PRDM16: variants seen among roughly 807,000 people sequenced by gnomAD.
PRDM16 encodes the protein histone-lysine N-methyltransferase PRDM16.
Under a neutral mutation model 110.6 loss-of-function variants are expected in PRDM16, and 23 were observed. The ratio of observed to expected loss-of-function variants is 0.21; its 90% CI spans 0.15 to 0.29. The LOEUF (loss-of-function observed/expected upper bound fraction) is 0.29. PRDM16 is among the 10% of genes least tolerant of loss of function. PRDM16 has a pLI of 1.00. For synonymous variants in PRDM16, 799 were observed against 781.8 expected (o/e 1.02, Z -0.37); for missense variants, 1,615 against 1,794.3 (o/e 0.90, Z 1.81).
intron 12 of PRDM16, among the ~76,000 whole-genome samples, chr1:3,420,222 AG>A (rs1315616098): frequency 6.6e-6 from 1 of 152,226 alleles, no homozygotes; most frequent in Non-Finnish European, 1.5e-5. Flanking sequence ...GGCTCAAGGC[AG>A]GTCTGTGCCG....
intron 1 of PRDM16, among the ~76,000 whole-genome samples, chr1:3,097,655 C>T (rs1177864010): frequency 6.6e-6 from 1 of 152,248 alleles, no homozygotes; most frequent in Non-Finnish European, 1.5e-5. Context: ...CACAGCCCCT[C>T]TGGGGGTCTT....
intron 1 of PRDM16, among the ~76,000 whole-genome samples, chr1:3,147,078 A>ACGTGTGTGCTCAGGGTGGGGTGTG (rs1643685236): frequency 1.2e-5 from 1 of 80,844 alleles, no homozygotes; most frequent in African/African-American, 9.4e-5. Flanking sequence ...GGGTGTGTGT[A>ACGTGTGTGCTCAGGGTGGGGTGTG]TGTGTGCGCT....
At chr1:3,219,632 G>A (rs1238763195) in intron 2 of PRDM16, among the ~76,000 whole-genome samples, 3 of 152,166 alleles carry the variant, frequency 2.0e-5, no homozygotes, top group Non-Finnish European at 4.4e-5. Context: ...CCAGATCCCC[G>A]CCACAGCTCT....
chr1:3,384,746 C>A (rs1234773879), intron 3 of PRDM16, among the ~76,000 whole-genome samples: 1 of 152,250 alleles, frequency 6.6e-6, no homozygotes, highest in Admixed American at 6.5e-5. Context: ...CCTTCAGACA[C>A]GCTTTTCTCT....
intron 1 of PRDM16, among the ~76,000 whole-genome samples, chr1:3,082,596 G>A (rs1642055549): frequency 6.6e-6 from 1 of 152,254 alleles, no homozygotes; most frequent in Non-Finnish European, 1.5e-5. Context: ...GGACTCCCTT[G>A]CTGGCATCCA....
chr1:3,235,208 C>G (rs901962140), intron 2 of PRDM16, among the ~76,000 whole-genome samples: 8 of 152,230 alleles, frequency 5.3e-5, no homozygotes, highest in African/African-American at 1.9e-4. Context: ...CCCAGGCCCT[C>G]GGAAGCTCTG....
chr1:3,183,192 G>T (rs1160796607), intron 1 of PRDM16, among the ~76,000 whole-genome samples: 1 of 152,200 alleles, frequency 6.6e-6, no homozygotes, highest in Non-Finnish European at 1.5e-5. Context: ...GTAGGCCAGT[G>T]AAAAGATGCC....
chr1:3,189,818 CAGGAACAGG>C (rs1638252799), intron 2 of PRDM16, among the ~76,000 whole-genome samples: 1 of 152,122 alleles, frequency 6.6e-6, no homozygotes, highest in East Asian at 1.9e-4. Context: ...GCAGCCCCTG[CAGGAACAGG>C]GTGCGCGTCT....
rs1394284099 is a variant in PRDM16 at position 3,175,391 on chromosome 1, C to T, written c.38-10734C>T. Among the ~76,000 whole-genome samples the T allele has an allele frequency of 6.6e-6, 1 of 152,220 alleles. No homozygotes were observed. Among genetic ancestry groups the T allele is most frequent in the East Asian group, 1.9e-4 (1 of 5,202 alleles). On this transcript the variant is annotated intron_variant, in intron 1 of 16. Coordinates refer to ENST00000270722, the MANE Select transcript of PRDM16 (RefSeq NM_022114.4). The surrounding 1 kb of genome is among the most constrained non-coding windows in gnomAD (Gnocchi z 4.8). Reference sequence around the variant, plus strand: ...TCTCTAGAAGTTGCCTCCGTGCGTGCCTGCTCTCCCCGATCAGCTCTCCCA... The same window carrying T: ...TCTCTAGAAGTTGCCTCCGTGCGTGTCTGCTCTCCCCGATCAGCTCTCCCA...
At chr1:3,136,953 G>A (rs995653355) in intron 1 of PRDM16, among the ~76,000 whole-genome samples, 9 of 152,218 alleles carry the variant, frequency 5.9e-5, no homozygotes, top group Non-Finnish European at 1.2e-4. Flanking sequence ...CCTGGCTCTG[G>A]GCTGGAGAGA....
At chr1:3,183,684 T>C (rs1644235638) in intron 1 of PRDM16, among the ~76,000 whole-genome samples, 1 of 152,216 alleles carries the variant, frequency 6.6e-6, no homozygotes, top group African/African-American at 2.4e-5. Context: ...AAATTAAACA[T>C]GCCCTTAAAG....
intron 3 of PRDM16, among the ~76,000 whole-genome samples, chr1:3,298,448 A>T (rs1433353457): frequency 6.6e-6 from 1 of 152,220 alleles, no homozygotes; most frequent in African/African-American, 2.4e-5. Context: ...TCGTTGCTCG[A>T]TGGAGGCACT....
chr1:3,314,706 C>T (rs960718174), intron 3 of PRDM16, among the ~76,000 whole-genome samples: 4 of 152,038 alleles, frequency 2.6e-5, no homozygotes, highest in Non-Finnish European at 4.4e-5. Context: ...AAAAGTTCCT[C>T]CCCCTCCTCC....
chr1:3,086,769 G>T (rs908101639), intron 1 of PRDM16, among the ~76,000 whole-genome samples: 1 of 152,182 alleles, frequency 6.6e-6, no homozygotes, highest in African/African-American at 2.4e-5. Context: ...GGGGCTTGCT[G>T]TCTTCATTTC....
At chr1:3,109,377 G>A (rs968562978) in intron 1 of PRDM16, among the ~76,000 whole-genome samples, 19 of 152,094 alleles carry the variant, frequency 1.2e-4, no homozygotes, top group African/African-American at 4.6e-4. Context: ...CCATCCTGGG[G>A]AGGCAGCTGC....
intron 2 of PRDM16, among the ~76,000 whole-genome samples, chr1:3,192,821 G>A (rs1638348130): frequency 6.6e-6 from 1 of 152,182 alleles, no homozygotes; most frequent in Non-Finnish European, 1.5e-5. Context: ...CGGCTGCCTT[G>A]TTGCCATAAA....
intron 1 of PRDM16, among the ~76,000 whole-genome samples, chr1:3,136,567 G>A (rs1643443739): frequency 6.6e-6 from 1 of 152,168 alleles, no homozygotes; most frequent in Non-Finnish European, 1.5e-5. Context: ...GGGGCTCTGG[G>A]CCAGCTCCAA....
intron 3 of PRDM16, among the ~76,000 whole-genome samples, chr1:3,328,907 G>A (rs887155706): frequency 3.9e-5 from 6 of 152,166 alleles, no homozygotes; most frequent in African/African-American, 1.4e-4. Flanking sequence ...CAGTGAGACC[G>A]TGAAGCCCAG....
intron 5 of PRDM16, among the ~76,000 whole-genome samples, chr1:3,400,212 G>A (rs950356004): frequency 1.3e-5 from 2 of 152,208 alleles, no homozygotes; most frequent in East Asian, 3.9e-4. Context: ...GTGTTGCCCA[G>A]CCTCAGTTTG....
Sources: allele counts gnomAD v4.1 joint callset (sites outside exome capture counted in the v4.1 genomes callset), GRCh38; gene constraint gnomAD v4.1.1; non-coding constraint Gnocchi (gnomAD v3.1); transcripts MANE v1.5; gene names NCBI Gene and HGNC (gene_info 2026-07-23, HGNC 2026-07-21).